FAR1: variants seen among roughly 807,000 people sequenced by gnomAD.
FAR1 encodes male sterility domain-containing protein 2.
In FAR1, 22 loss-of-function variants were observed where a neutral mutation model predicts 61.1. That is an observed-to-expected ratio of 0.36 (90% CI 0.26 to 0.51). The LOEUF (loss-of-function observed/expected upper bound fraction) is 0.51. Ranked by LOEUF, FAR1 falls within the 20% of genes least tolerant of loss-of-function variation. The probability of loss-of-function intolerance (pLI) is 0.95; values close to 1 mark genes in which losing one functional copy is unlikely to be tolerated. For synonymous variants in FAR1, 206 were observed against 209.7 expected, an observed-to-expected ratio of 0.98 and a Z score of 0.15; for missense variants, 359 against 626.9, an observed-to-expected ratio of 0.57 and a Z score of 4.56.
chr11:13,715,423 T>C (rs1848545501), intron 9 of FAR1, among the ~76,000 whole-genome samples: 1 of 152,168 alleles, frequency 6.6e-6, no homozygotes, highest in East Asian at 1.9e-4. Flanking sequence ...TAAGCCCTTC[T>C]CTCCCTCTTA....
intron 4 of FAR1, among the ~76,000 whole-genome samples, chr11:13,709,624 T>A (rs913014358): frequency 1.3e-5 from 2 of 152,084 alleles, no homozygotes; most frequent in Non-Finnish European, 2.9e-5. Flanking sequence ...GCAGGTTTTT[T>A]TTTCCTCATG....
intron 10 of FAR1, among the ~76,000 whole-genome samples, chr11:13,724,273 C>T (rs572136926): frequency 1.4e-5 from 2 of 138,976 alleles, no homozygotes; most frequent in Middle Eastern, 3.9e-3. Context: ...AGGGGCCGGG[C>T]GTGGTGGCTC....
chr11:13,719,449 C>T (rs924159257), intron 9 of FAR1, among the ~76,000 whole-genome samples: 1 of 152,158 alleles, frequency 6.6e-6, no homozygotes, highest in African/African-American at 2.4e-5. Flanking sequence ...TGGGGCCTTA[C>T]TATGATGCCT....
At chr11:13,710,597 C>A in intron 4 of FAR1, 96 bp from the exon 5 acceptor site, 1 of 1,040,692 alleles carries the variant, frequency 9.6e-7, no homozygotes, top group Non-Finnish European at 1.4e-6. Flanking sequence ...TGAGTCAGAA[C>A]AGCAGATATG....
chr11:13,677,133 G>A (rs183207134), intron 1 of FAR1, among the ~76,000 whole-genome samples: 18 of 152,214 alleles, frequency 1.2e-4, no homozygotes, highest in African/African-American at 4.3e-4. Context: ...ACTTTAGCAT[G>A]GTAACTAGAT....
At chr11:13,688,149 GAAAAT>G (rs1848210086) in intron 1 of FAR1, among the ~76,000 whole-genome samples, 1 of 151,406 alleles carries the variant, frequency 6.6e-6, no homozygotes, top group African/African-American at 2.4e-5. Context: ...TGCACAATAA[GAAAAT>G]AAAATGAGTC....
At chr11:13,697,444 G>GT (rs1392508529) in intron 2 of FAR1, among the ~76,000 whole-genome samples, 3 of 152,086 alleles carry the variant, frequency 2.0e-5, no homozygotes, top group African/African-American at 7.2e-5. Flanking sequence ...CATGGGTGAT[G>GT]AGTAAGACCC....
chr11:13,717,509 G>A (rs1848569050), intron 9 of FAR1, among the ~76,000 whole-genome samples: 2 of 152,106 alleles, frequency 1.3e-5, no homozygotes, highest in African/African-American at 4.8e-5. Context: ...TATTCTCTGG[G>A]AGTTCTCTGA....
At chr11:13,682,974 C>A (rs112468856) in intron 1 of FAR1, among the ~76,000 whole-genome samples, 7 of 152,108 alleles carry the variant, frequency 4.6e-5, no homozygotes, top group African/African-American at 1.7e-4. Flanking sequence ...TAAAGACATG[C>A]AATCTAATGA....
intron 1 of FAR1, among the ~76,000 whole-genome samples, chr11:13,681,971 T>A (rs1848132695): frequency 2.6e-5 from 4 of 152,314 alleles, no homozygotes; most frequent in Admixed American, 2.6e-4. Context: ...AGGATTATGT[T>A]ATGTGCTCTT....
intron 1 of FAR1, among the ~76,000 whole-genome samples, chr11:13,672,024 G>A (rs1253524303): frequency 6.6e-6 from 1 of 152,196 alleles, no homozygotes; most frequent in Non-Finnish European, 1.5e-5. Flanking sequence ...TAGCAACAAA[G>A]TATATAGCTG....
chr11:13,670,626 C>T (rs954955785), intron 1 of FAR1, among the ~76,000 whole-genome samples: 3 of 151,914 alleles, frequency 2.0e-5, no homozygotes, highest in Admixed American at 2.0e-4. Flanking sequence ...AAAAATTCCA[C>T]ATAAATTTTC....
intron 8 of FAR1, among the ~76,000 whole-genome samples, chr11:13,713,993 T>G (rs1159159678): frequency 1.3e-5 from 2 of 152,112 alleles, no homozygotes; most frequent in African/African-American, 4.8e-5. Flanking sequence ...AGTAAAGTAT[T>G]AATATAGATG....
intron 1 of FAR1, among the ~76,000 whole-genome samples, chr11:13,675,815 A>G (rs1848061761): frequency 6.6e-6 from 1 of 152,156 alleles, no homozygotes; most frequent in African/African-American, 2.4e-5. Context: ...CTTACATGAA[A>G]TTTTTTCCAG....
chr11:13,672,168 TCTATA>T (rs1479886295), intron 1 of FAR1, among the ~76,000 whole-genome samples: 60 of 152,326 alleles, frequency 3.9e-4, no homozygotes, highest in African/African-American at 1.4e-3. Flanking sequence ...TGGCAGGTAC[TCTATA>T]CAAATTTAAA....
chr11:13,728,518 G>T, intron 11 of FAR1, 94 bp from the exon 12 acceptor site: 1 of 1,127,044 alleles, frequency 8.9e-7, no homozygotes, highest in East Asian at 2.4e-5. Flanking sequence ...ATGGATTTGA[G>T]CTTTGATTAA....
chr11:13,724,385 A>T (rs2134201576), intron 10 of FAR1, among the ~76,000 whole-genome samples: 1 of 148,080 alleles, frequency 6.8e-6, no homozygotes, highest in South Asian at 2.1e-4. Context: ...CTCTCTACAG[A>T]AAAAAAAAAG....
chr11:13,688,094 TATA>T (rs896786106), intron 1 of FAR1, among the ~76,000 whole-genome samples: 29 of 151,654 alleles, frequency 1.9e-4, no homozygotes, highest in African/African-American at 3.9e-4. Context: ...AAACTTAAAG[TATA>T]ATAATAATAA....
intron 1 of FAR1, among the ~76,000 whole-genome samples, chr11:13,674,960 AT>A (rs1410373752): frequency 6.6e-6 from 1 of 152,108 alleles, no homozygotes; most frequent in Non-Finnish European, 1.5e-5. Context: ...TAATACACAC[AT>A]CACCAACTTT....
Sources: allele counts gnomAD v4.1 joint callset (sites outside exome capture counted in the v4.1 genomes callset), GRCh38; gene constraint gnomAD v4.1.1; transcripts MANE v1.5; gene names NCBI Gene and HGNC (gene_info 2026-07-23, HGNC 2026-07-21).